The following MELK variants were observed in gnomAD, a reference collection of about 807,000 sequenced individuals.
MELK encodes the protein pEg3 kinase.
Under a neutral mutation model 85.0 loss-of-function variants are expected in MELK, and 81 were observed. The observed-to-expected ratio is 0.95, with a 90% CI of 0.80 to 1.15. The LOEUF is 1.15. Among genes scored for constraint, MELK ranks in the 50% most tolerant of loss-of-function variants. The pLI is 0.00. For synonymous variants in MELK, 252 were observed against 265.0 expected, an observed-to-expected ratio of 0.95 and a Z score of 0.48; for missense variants, 754 against 777.5, an observed-to-expected ratio of 0.97 and a Z score of 0.36.
At chr9:36,668,844 A>T (rs1264352844) in intron 14 of MELK, among the ~76,000 whole-genome samples, 1 of 152,182 alleles carries the variant, frequency 6.6e-6, no homozygotes, top group Non-Finnish European at 1.5e-5. Context: ...ACTTATGTCA[A>T]GCTTTCACAG....
At chr9:36,582,176 A>G (rs1822318419) in intron 2 of MELK, among the ~76,000 whole-genome samples, 1 of 151,912 alleles carries the variant, frequency 6.6e-6, no homozygotes, top group South Asian at 2.1e-4. Context: ...CACCGTGTTA[A>G]TCAGGATGGT....
Position 36,649,344 on chromosome 9 carries a change from G to C in MELK, c.922-2402G>C, listed in dbSNP as rs911803646. Among the ~76,000 whole-genome samples, 9 of 152,150 alleles carry C rather than the reference G, an allele frequency of 5.9e-5. No individual in the cohort carries two copies. In the South Asian group the frequency reaches 1.9e-3, roughly 32 times the overall value. On this transcript the variant is annotated intron_variant, in intron 11 of 17. Coordinates refer to ENST00000298048, the MANE Select transcript of MELK (RefSeq NM_014791.4). Reference sequence around the variant, plus strand: ...TACTAAAAATACAAAAAAAATAGCCGGGTGTGGTGGCGGGCGCCTGTAGTC... The same window carrying C: ...TACTAAAAATACAAAAAAAATAGCCCGGTGTGGTGGCGGGCGCCTGTAGTC...
chr9:36,587,108 C>CA (rs1308639502), intron 3 of MELK, among the ~76,000 whole-genome samples: 2 of 152,070 alleles, frequency 1.3e-5, no homozygotes, highest in African/African-American at 4.8e-5. Flanking sequence ...CTCAGCCTCT[C>CA]AAAGTGCTGG....
chr9:36,651,956 T>A lies in MELK; in HGVS notation c.1053+79T>A, dbSNP rs1428566676. The stretch of plus-strand genomic sequence containing the variant: ...TGTATACCACTGGGAAGGTAAACTT[T>A]CCGGTGTCAAGGAGTCAGAGGCAAG... On this transcript the variant is annotated intron_variant, in intron 12 of 17. Coordinates refer to ENST00000298048, the MANE Select transcript of MELK (RefSeq NM_014791.4). 6.8e-6 allele frequency: 9 copies of A among 1,327,484 alleles called. No homozygotes were observed. The African/African-American group carries it at 9.0e-5, about 13-fold the overall frequency. The allele number at this position is 1,327,484 out of a possible 1,614,324, so 82.2% of individuals were successfully genotyped here.
chr9:36,574,718 G>A (rs1034036216), intron 1 of MELK, among the ~76,000 whole-genome samples: 2 of 152,162 alleles, frequency 1.3e-5, no homozygotes, highest in Non-Finnish European at 2.9e-5. Context: ...GTATTTATGC[G>A]GCAAGTAATA....
At chr9:36,648,154 CA>C (rs770594770) in intron 11 of MELK, among the ~76,000 whole-genome samples, 1 of 152,056 alleles carries the variant, frequency 6.6e-6, no homozygotes, top group Non-Finnish European at 1.5e-5. Context: ...TTACGTCGAA[CA>C]CTTCCTAAAA....
intron 8 of MELK, among the ~76,000 whole-genome samples, chr9:36,621,313 A>AAAAAAAAAAAAAAC (rs1827421733): frequency 7.5e-6 from 1 of 132,608 alleles, no homozygotes; most frequent in Non-Finnish European, 1.6e-5. Context: ...AAAAAAAAAA[A>AAAAAAAAAAAAAAC]AAAACTTGAG....
chr9:36,641,887 G>C (rs1196931415), intron 10 of MELK, among the ~76,000 whole-genome samples: 1 of 152,096 alleles, frequency 6.6e-6, no homozygotes, highest in Non-Finnish European at 1.5e-5. Flanking sequence ...GATTACAGGC[G>C]TGAGCCACCG....
chr9:36,597,941 G>A (rs1824471698), intron 6 of MELK, among the ~76,000 whole-genome samples: 1 of 152,112 alleles, frequency 6.6e-6, no homozygotes, highest in Non-Finnish European at 1.5e-5. Flanking sequence ...TCTAATCATG[G>A]TACTCACAAT....
chr9:36,648,508 A>G (rs965442676), intron 11 of MELK, among the ~76,000 whole-genome samples: 1 of 152,046 alleles, frequency 6.6e-6, no homozygotes, highest in African/African-American at 2.4e-5. Flanking sequence ...TGGAGGTCAC[A>G]AGGCATTCTT....
chr9:36,585,452 G>C (rs1187480206), intron 3 of MELK, among the ~76,000 whole-genome samples: 1 of 151,688 alleles, frequency 6.6e-6, no homozygotes, highest in South Asian at 2.1e-4. Flanking sequence ...TACTACAGGC[G>C]TGTGCCACCA....
chr9:36,593,176 CTT>C (rs368674596), intron 4 of MELK, among the ~76,000 whole-genome samples: 139 of 131,136 alleles, frequency 1.1e-3, no homozygotes, highest in African/African-American at 3.2e-3. Context: ...AGAGCTTCCT[CTT>C]TTTTTTTTTT....
At chr9:36,645,936 G>A (rs989763017) in intron 11 of MELK, among the ~76,000 whole-genome samples, 12 of 152,144 alleles carry the variant, frequency 7.9e-5, no homozygotes, top group African/African-American at 2.4e-4. Context: ...GGTTCATATG[G>A]TTAGTAAAGC....
At chr9:36,658,405 T>A (rs1261387925) in intron 13 of MELK, among the ~76,000 whole-genome samples, 3 of 152,194 alleles carry the variant, frequency 2.0e-5, no homozygotes, top group Non-Finnish European at 4.4e-5. Context: ...TTCTGCTTAC[T>A]GAAAGTTCTG....
intron 8 of MELK, among the ~76,000 whole-genome samples, chr9:36,611,832 G>A (rs1207159162): frequency 2.0e-5 from 3 of 151,518 alleles, no homozygotes; most frequent in African/African-American, 7.3e-5. Flanking sequence ...AGAGTGCAGT[G>A]GTTAGATTCG....
In MELK at chr9:36,581,792, T is replaced by C. The variant is rs566658130; in HGVS notation, c.58+53T>C. On this transcript the variant is annotated intron_variant, in intron 2 of 17. Coordinates refer to ENST00000298048, the MANE Select transcript of MELK (RefSeq NM_014791.4). ...TGGATAGATCAACTATTTGAGAGTA[T>C]AGATTATTTGGGTAGGTGTGAGCTT... is the stretch of plus-strand genomic sequence containing the variant. The C allele has an allele frequency of 6.6e-5, 95 of 1,435,676 alleles. No homozygotes were observed. In the African/African-American group the frequency reaches 9.7e-4, roughly 15 times the overall value. 88.9% of individuals were successfully genotyped at this position (1,435,676 alleles called of 1,614,324 possible). A position where few individuals can be genotyped will look rare whatever the true frequency, so the allele number is the denominator to read the frequency against.
At chr9:36,649,939 A>ATTT (rs1564205199) in intron 11 of MELK, among the ~76,000 whole-genome samples, 7 of 59,782 alleles carry the variant, frequency 1.2e-4, no homozygotes, top group African/African-American at 2.1e-4. Flanking sequence ...AATTTAATTA[A>ATTT]ATTAATTAAT....
intron 12 of MELK, among the ~76,000 whole-genome samples, chr9:36,655,531 A>C (rs1045166293): frequency 6.6e-6 from 1 of 152,072 alleles, no homozygotes; most frequent in Admixed American, 6.6e-5. Context: ...AGAACCTGAA[A>C]ATGCACATCA....
intron 8 of MELK, among the ~76,000 whole-genome samples, chr9:36,623,964 T>A (rs1486462150): frequency 6.6e-6 from 1 of 152,216 alleles, no homozygotes; most frequent in Admixed American, 6.5e-5. Context: ...GCAGCAGCAG[T>A]CGAAGCTAAC....
Sources: allele counts gnomAD v4.1 joint callset (sites outside exome capture counted in the v4.1 genomes callset), GRCh38; gene constraint gnomAD v4.1.1; transcripts MANE v1.5; gene names NCBI Gene and HGNC (gene_info 2026-07-23, HGNC 2026-07-21).